The following ORC5 variants were observed in gnomAD, a reference collection of about 807,000 sequenced individuals.
ORC5 encodes the protein origin recognition complex subunit 5.
Under a neutral mutation model 58.8 loss-of-function variants are expected in ORC5, and 39 were observed. That is an observed-to-expected ratio of 0.66 (90% CI 0.51 to 0.87). ORC5 has a LOEUF of 0.87. ORC5 is among the 40% of genes least tolerant of loss of function. The pLI is 0.00. For missense variants in ORC5, 493 were observed against 506.3 expected, an observed-to-expected ratio of 0.97 and a Z score of 0.25; for synonymous variants, 218 against 177.6, an observed-to-expected ratio of 1.23 and a Z score of -1.81.
Position 104,129,718 on chromosome 7 carries a change from C to T in ORC5, c.1263-2825G>A, listed in dbSNP as rs1041295891. ...CCCTGGCTTTCCATGGTCACAGATG[C>T]ATATTATAGTCACGTAAGTATAATT... On this transcript the variant is annotated intron_variant, in intron 13 of 13. Coordinates refer to ENST00000297431, the MANE Select transcript of ORC5 (RefSeq NM_002553.4). The surrounding 1 kb of genome is among the most constrained non-coding windows in gnomAD (Gnocchi z 4.9). Among the ~76,000 whole-genome samples the T allele has an allele frequency of 6.6e-6, 1 of 152,136 alleles. No individual in the cohort carries two copies. The highest frequency in any genetic ancestry group is 1.5e-5 in the Non-Finnish European group (1 of 68,014).
At chr7:104,172,104 C>T (rs2115902164) in intron 8 of ORC5, among the ~76,000 whole-genome samples, 1 of 152,288 alleles carries the variant, frequency 6.6e-6, no homozygotes, top group African/African-American at 2.4e-5. Flanking sequence ...CTGTTGGTTT[C>T]AGTTGTTTAC....
At chr7:104,150,988 C>G (rs1420664204) in intron 12 of ORC5, among the ~76,000 whole-genome samples, 2 of 152,056 alleles carry the variant, frequency 1.3e-5, no homozygotes, top group African/African-American at 2.4e-5. Flanking sequence ...GGAGATGGAC[C>G]ATGATGCGTA....
chr7:104,151,451 G>C (rs985642300), intron 12 of ORC5, among the ~76,000 whole-genome samples: 3 of 152,112 alleles, frequency 2.0e-5, no homozygotes, highest in African/African-American at 2.4e-5. Context: ...AAATGAAGGA[G>C]AGAAAATGAG....
chr7:104,194,116 A>T (rs1475783894), intron 5 of ORC5, among the ~76,000 whole-genome samples: 9 of 112,108 alleles, frequency 8.0e-5, no homozygotes, highest in Admixed American at 3.4e-4. Context: ...TTTTTTTTTT[A>T]AATAAAATCC....
rs1242698868 is a variant in ORC5, at chr7:104,207,980, C to G, written c.-76G>C. ...GCACAAGACGGAGCCTCTCCCGAGTCTGGCGGCCCACGCTCCCGCCGGAAA... is the reference window on the plus strand; with the variant it reads ...GCACAAGACGGAGCCTCTCCCGAGTGTGGCGGCCCACGCTCCCGCCGGAAA... On this transcript the variant is annotated 5_prime_UTR_variant, in exon 1 of 14. Transcript: ENST00000297431. 2 of 1,402,528 alleles carry G rather than the reference C, an allele frequency of 1.4e-6. No individual in the cohort carries two copies. 86.9% of individuals were successfully genotyped at this position (1,402,528 alleles called of 1,614,324 possible).
At chr7:104,141,078 T>C (rs1012741274) in intron 12 of ORC5, among the ~76,000 whole-genome samples, 3 of 152,134 alleles carry the variant, frequency 2.0e-5, no homozygotes, top group Non-Finnish European at 4.4e-5. Flanking sequence ...AAAACATGCA[T>C]AAGCTGTGAT....
At chr7:104,158,227 T>G (rs1798960768) in intron 12 of ORC5, among the ~76,000 whole-genome samples, 2 of 152,080 alleles carry the variant, frequency 1.3e-5, no homozygotes, top group African/African-American at 2.4e-5. Flanking sequence ...ATTTACAGCC[T>G]TAAGAAAGTA....
At chr7:104,179,791 G>T (rs1486343355) in intron 8 of ORC5, among the ~76,000 whole-genome samples, 1 of 152,072 alleles carries the variant, frequency 6.6e-6, no homozygotes, top group African/African-American at 2.4e-5. Context: ...TATCTCAGAA[G>T]TTTAATGTTT....
At chr7:104,173,299 T>A (rs1799250981) in intron 8 of ORC5, among the ~76,000 whole-genome samples, 1 of 152,250 alleles carries the variant, frequency 6.6e-6, no homozygotes, top group Non-Finnish European at 1.5e-5. Context: ...TCATTCTTCC[T>A]TTAAAAACCT....
chr7:104,185,287 CT>C (rs960524585), intron 6 of ORC5, among the ~76,000 whole-genome samples: 2 of 151,426 alleles, frequency 1.3e-5, no homozygotes, highest in African/African-American at 4.9e-5. Context: ...ATTTGTATGC[CT>C]TTTTTTTCCC....
chr7:104,197,700 G>A (rs7784705), intron 4 of ORC5, 25 bp downstream of exon 4: 366,114 of 1,515,148 alleles, frequency 0.24, 46,157 homozygotes, highest in African/African-American at 0.35. Context: ...GTTGTGGGGA[G>A]AAAGCACTTT....
chr7:104,143,347 T>C (rs1798705285), intron 12 of ORC5, among the ~76,000 whole-genome samples: 1 of 152,204 alleles, frequency 6.6e-6, no homozygotes, highest in South Asian at 2.1e-4. Flanking sequence ...CTGTCTTTAA[T>C]ATAGTTAAGT....
At chr7:104,191,091 G>A (rs1799664780) in intron 5 of ORC5, among the ~76,000 whole-genome samples, 1 of 139,188 alleles carries the variant, frequency 7.2e-6, no homozygotes. Context: ...CACTGTTACT[G>A]AATTTGCTTT....
intron 6 of ORC5, among the ~76,000 whole-genome samples, chr7:104,185,421 AC>A (rs1799523750): frequency 1.3e-5 from 2 of 152,190 alleles, no homozygotes; most frequent in African/African-American, 4.8e-5. Flanking sequence ...GTCACATAGA[AC>A]CATAAAACAT....
rs2075218 is a variant in ORC5 at position 104,207,965 on chromosome 7, G to C, written c.-61C>G. 0.28 allele frequency: 420,338 copies of C among 1,499,858 alleles called. 66,676 individuals are homozygous for C. The highest frequency in any genetic ancestry group is 0.58 in the East Asian group (25,297 of 43,964). 92.9% of individuals were successfully genotyped at this position (1,499,858 alleles called of 1,614,324 possible). On this transcript the variant is annotated 5_prime_UTR_variant, in exon 1 of 14. Coordinates refer to ENST00000297431, the MANE Select transcript of ORC5 (RefSeq NM_002553.4). ...GCCCACAGGACCCTTGCACAAGACG[G>C]AGCCTCTCCCGAGTCTGGCGGCCCA...
intron 12 of ORC5, among the ~76,000 whole-genome samples, chr7:104,158,295 C>T (rs979229844): frequency 1.6e-4 from 25 of 152,068 alleles, no homozygotes; most frequent in Non-Finnish European, 2.8e-4. Context: ...GAAACTGGAT[C>T]CCTTCCTTAC....
chr7:104,186,009 G>C (rs1466040196), intron 6 of ORC5, among the ~76,000 whole-genome samples: 1 of 151,954 alleles, frequency 6.6e-6, no homozygotes, highest in Non-Finnish European at 1.5e-5. Flanking sequence ...ACTAAGTGTA[G>C]AGAAGAAGAA....
intron 12 of ORC5, among the ~76,000 whole-genome samples, chr7:104,147,010 C>T (rs1473308629): frequency 6.6e-6 from 1 of 152,182 alleles, no homozygotes; most frequent in East Asian, 1.9e-4. Context: ...AAAAATAAAA[C>T]ACTGATAACG....
In ORC5 at chr7:104,154,275, TG is replaced by T. The variant is rs1376718224; in HGVS notation, c.1149+6796del. ...AAATTTAGTTATAAATATCAATCAT[TG>T]CTTCAAACACTAAGTTCAAGGCATG... is the stretch of plus-strand genomic sequence containing the variant. On this transcript the variant is annotated intron_variant, in intron 12 of 13. Coordinates refer to ENST00000297431, the MANE Select transcript of ORC5 (RefSeq NM_002553.4). Among the ~76,000 whole-genome samples the T allele has an allele frequency of 9.9e-5, 15 of 152,158 alleles. No individual in the cohort carries two copies. In the South Asian group the frequency reaches 2.9e-3, roughly 29 times the overall value.
Sources: allele counts gnomAD v4.1 joint callset (sites outside exome capture counted in the v4.1 genomes callset), GRCh38; gene constraint gnomAD v4.1.1; non-coding constraint Gnocchi (gnomAD v3.1); transcripts MANE v1.5; gene names NCBI Gene and HGNC (gene_info 2026-07-23, HGNC 2026-07-21).